Variants in LINGO2 observed in about 807,000 individuals in gnomAD.
LINGO2 encodes leucine rich repeat and Ig domain containing 2.
In LINGO2, 14 loss-of-function variants were observed where a neutral mutation model predicts 30.6. The ratio of observed to expected loss-of-function variants is 0.46; its 90% confidence interval spans 0.30 to 0.72. The LOEUF (loss-of-function observed/expected upper bound fraction) is 0.72. Ranked by LOEUF, LINGO2 falls within the 30% of genes least tolerant of loss-of-function variation. The pLI is 0.07. For synonymous variants in LINGO2, 317 were observed against 288.5 expected (o/e 1.10, Z -1.00); for missense variants, 729 against 751.7 (o/e 0.97, Z 0.35).
chr9:28,937,681 C>A, the LINGO2 span, among the ~76,000 whole-genome samples: 1 of 152,136 alleles, frequency 6.6e-6, no homozygotes, highest in Admixed American at 6.6e-5. Flanking sequence ...TGGTCCTACC[C>A]CTGAAACCAG....
At chr9:28,184,900 T>C (rs1819488208) in intron 4 of LINGO2, among the ~76,000 whole-genome samples, 1 of 152,060 alleles carries the variant, frequency 6.6e-6, no homozygotes, top group Admixed American at 6.6e-5. Flanking sequence ...CTGGAGAGCA[T>C]ACTAATGATA....
chr9:29,060,777 A>G, the LINGO2 span, among the ~76,000 whole-genome samples: 1 of 151,938 alleles, frequency 6.6e-6, no homozygotes, highest in Non-Finnish European at 1.5e-5. Context: ...TACAGGATGG[A>G]CTCAATAGCT....
At chr9:28,719,566 C>G in the LINGO2 span, among the ~76,000 whole-genome samples, 4 of 151,992 alleles carry the variant, frequency 2.6e-5, no homozygotes, top group Non-Finnish European at 4.4e-5. Flanking sequence ...CACTCCTAAC[C>G]TACTTCTCAT....
At chr9:28,869,151 A>C in the LINGO2 span, among the ~76,000 whole-genome samples, 1 of 152,242 alleles carries the variant, frequency 6.6e-6, no homozygotes, top group Admixed American at 6.6e-5. Flanking sequence ...TTCATCAAAG[A>C]TGTTTTGAGC....
chr9:29,056,358 A>C, the LINGO2 span, among the ~76,000 whole-genome samples: 6 of 152,008 alleles, frequency 3.9e-5, no homozygotes, highest in South Asian at 1.2e-3. Context: ...CATGTTGAGC[A>C]TTTTTTCACA....
chr9:28,040,569 A>C (rs1824155933), intron 4 of LINGO2, among the ~76,000 whole-genome samples: 1 of 151,716 alleles, frequency 6.6e-6, no homozygotes, highest in Non-Finnish European at 1.5e-5. Context: ...ATAGAGATTT[A>C]TAATAAATCC....
At chr9:28,799,667 G>C in the LINGO2 span, among the ~76,000 whole-genome samples, 2 of 152,104 alleles carry the variant, frequency 1.3e-5, no homozygotes, top group Non-Finnish European at 2.9e-5. Flanking sequence ...AATTGATAAA[G>C]ATGTTCTGCA....
At chr9:28,067,260 A>T (rs1474796367) in intron 4 of LINGO2, among the ~76,000 whole-genome samples, 1 of 152,164 alleles carries the variant, frequency 6.6e-6, no homozygotes, top group African/African-American at 2.4e-5. Context: ...ATTAACAATT[A>T]CCAAGAGGTA....
At chr9:28,028,892 CA>C (rs1258794935) in intron 4 of LINGO2, among the ~76,000 whole-genome samples, 1 of 152,054 alleles carries the variant, frequency 6.6e-6, no homozygotes, top group Non-Finnish European at 1.5e-5. Flanking sequence ...TGTAATCATC[CA>C]AATTTTACCT....
chr9:28,657,727 T>C (rs906958976), intron 1 of LINGO2, among the ~76,000 whole-genome samples: 1 of 152,072 alleles, frequency 6.6e-6, no homozygotes, highest in African/African-American at 2.4e-5. Flanking sequence ...AATTTCTCTA[T>C]TGTTTTTCTA....
chr9:28,091,209 A>C (rs1358859871), intron 4 of LINGO2, among the ~76,000 whole-genome samples: 1 of 152,210 alleles, frequency 6.6e-6, no homozygotes, highest in Non-Finnish European at 1.5e-5. Flanking sequence ...AATTGGAAAA[A>C]ACTACTTTAA....
intron 4 of LINGO2, among the ~76,000 whole-genome samples, chr9:28,020,231 T>G (rs1480109776): frequency 6.6e-6 from 1 of 152,180 alleles, no homozygotes; most frequent in African/African-American, 2.4e-5. Flanking sequence ...TCCTTTTATC[T>G]GGTTTCAGTG....
At chr9:28,414,799 A>G (rs765437934) in intron 2 of LINGO2, among the ~76,000 whole-genome samples, 4 of 152,116 alleles carry the variant, frequency 2.6e-5, no homozygotes, top group Non-Finnish European at 5.9e-5. Context: ...TTTGTTTTAC[A>G]GAAAGTGATG....
Position 28,508,901 on chromosome 9 carries a change from T to C in LINGO2, c.-364-32876A>G, listed in dbSNP as rs1314894744. Among the ~76,000 whole-genome samples the C allele has an allele frequency of 3.3e-5, 5 of 152,096 alleles. No homozygotes were observed. In the East Asian group the frequency reaches 9.6e-4, roughly 29 times the overall value. On this transcript the variant is annotated intron_variant, in intron 1 of 5. Coordinates refer to ENST00000379992, the Ensembl canonical transcript of LINGO2. Reference sequence around the variant, plus strand: ...AGCATAGATGTCATCATCCCTAGAATGGAAATAATAAATTTATGGAGTGGT... The same window carrying C: ...AGCATAGATGTCATCATCCCTAGAACGGAAATAATAAATTTATGGAGTGGT...
chr9:28,047,671 C>T (rs1372638647), intron 4 of LINGO2, among the ~76,000 whole-genome samples: 2 of 150,870 alleles, frequency 1.3e-5, no homozygotes, highest in East Asian at 3.9e-4. Flanking sequence ...GGGAGGTCTT[C>T]TATGAATAAC....
chr9:28,450,541 T>A (rs1012887983), intron 2 of LINGO2, among the ~76,000 whole-genome samples: 1 of 152,062 alleles, frequency 6.6e-6, no homozygotes, highest in Non-Finnish European at 1.5e-5. Flanking sequence ...TTGCTCCTTT[T>A]AACTTTGAGG....
intron 4 of LINGO2, among the ~76,000 whole-genome samples, chr9:28,020,384 C>A (rs1158478847): frequency 2.6e-5 from 4 of 152,120 alleles, no homozygotes; most frequent in Non-Finnish European, 5.9e-5. Flanking sequence ...CAAAAACTAG[C>A]CAGGTGTGGT....
At chr9:28,974,230 C>A in the LINGO2 span, among the ~76,000 whole-genome samples, 1 of 151,926 alleles carries the variant, frequency 6.6e-6, no homozygotes, top group Admixed American at 6.6e-5. Context: ...TATAGTGAAA[C>A]CCCATCTCTA....
At chr9:28,109,890 A>C in intron 4 of LINGO2, among the ~76,000 whole-genome samples, 1 of 152,182 alleles carries the variant, frequency 6.6e-6, no homozygotes, top group Non-Finnish European at 1.5e-5. Flanking sequence ...AGAAAAAAAA[A>C]CTACTTTAAA....
Sources: gnomAD v4.1 joint callset for allele counts (sites outside exome capture counted in the v4.1 genomes callset) on GRCh38, gnomAD v4.1.1 for gene constraint, MANE v1.5 for transcripts, NCBI Gene and HGNC (gene_info 2026-07-23, HGNC 2026-07-21) for gene names.